The following HERC1 variants were observed in gnomAD, a reference collection of about 807,000 sequenced individuals.
HERC1 encodes the protein HECT and RLD domain containing E3 ubiquitin protein ligase family member 1.
HERC1 carries 160 observed loss-of-function variants against 554.3 expected under a neutral mutation model. That is an observed-to-expected ratio of 0.29 (90% CI 0.25 to 0.33). The LOEUF (loss-of-function observed/expected upper bound fraction) is 0.33, where lower values mean the gene tolerates loss of function less well. Ranked by LOEUF, HERC1 falls within the 10% of genes least tolerant of loss-of-function variation. HERC1 has a pLI of 1.00. For missense variants in HERC1, 4,919 were observed against 5,918.5 expected (o/e 0.83, Z 5.54); for synonymous variants, 2,175 against 2,131.7 (o/e 1.02, Z -0.56).
chr15:63,780,741 A>G (rs1375422962), intron 1 of HERC1, among the ~76,000 whole-genome samples: 2 of 152,150 alleles, frequency 1.3e-5, no homozygotes, highest in East Asian at 1.9e-4. Flanking sequence ...AAGGTAAAAC[A>G]GAGACTAAAG....
intron 34 of HERC1, among the ~76,000 whole-genome samples, chr15:63,685,613 G>A (rs192185199): frequency 1.3e-5 from 2 of 152,320 alleles, no homozygotes; most frequent in East Asian, 3.9e-4. Flanking sequence ...AACTGGCTAA[G>A]TCTAGGACCC....
At position 63,712,888 on chromosome 15, in the gene HERC1, T is replaced by G; in HGVS notation, c.4471A>C (p.Ser1491Arg). ...ACTAGCCGGCTCTCTGCAGTAAGAC[T>G]TTCACTCCTGTCTCACATGTACAAA... The part of the protein sequence containing the change: ...EGGGLMTRSE[S>R]LTAESRLVHT... The change falls in exon 24 of 78, where the codon AGT becomes CGT. Residue 1491 changes from serine (S) to arginine (R), a missense_variant. Transcript: ENST00000443617. The G allele has an allele frequency of 6.2e-7, 1 of 1,612,934 alleles. No homozygotes were observed. Among genetic ancestry groups the G allele is most frequent in the African/African-American group, 1.3e-5 (1 of 74,988 alleles).
At chr15:63,781,560 G>A (rs1363843470) in intron 1 of HERC1, among the ~76,000 whole-genome samples, 1 of 152,166 alleles carries the variant, frequency 6.6e-6, no homozygotes, top group African/African-American at 2.4e-5. Context: ...TGTTTTGACT[G>A]CTCTACCAAC....
intron 68 of HERC1, among the ~76,000 whole-genome samples, chr15:63,630,861 A>T (rs1566954684): frequency 6.6e-6 from 1 of 152,230 alleles, no homozygotes; most frequent in Non-Finnish European, 1.5e-5. Context: ...ATTCATAAAA[A>T]TTTTTTAAAA....
Position 63,686,478 on chromosome 15 carries a change from C to G in HERC1, c.6106G>C (p.Asp2036His). The G allele has an allele frequency of 6.2e-7, 1 of 1,613,888 alleles. No homozygotes were observed. Among genetic ancestry groups the G allele is most frequent in the Non-Finnish European group, 8.5e-7 (1 of 1,179,834 alleles). Residue 2036 changes from aspartate to histidine, a missense_variant, in exon 34 of 78, where the codon GAC becomes CAC. Physicochemically the swap from Asp to His is moderately conservative, Grantham distance 81. This residue lies in a region of HERC1 where 1,121 missense variants were observed against 1,244.0 expected (regional missense o/e 0.90). Coordinates refer to ENST00000443617, the MANE Select transcript of HERC1 (RefSeq NM_003922.4). ...ENLPIQEVSFDPEKAQCCLVE... is the reference protein window; with the variant it reads ...ENLPIQEVSFHPEKAQCCLVE... ...AGGCAACACTGAGCTTTCTCCGGGT[C>G]AAAGGATACTTCTTGGATAGGAAGA...
chr15:63,663,920 TTC>T (rs1489534369), intron 43 of HERC1, among the ~76,000 whole-genome samples: 2 of 152,264 alleles, frequency 1.3e-5, no homozygotes, highest in Non-Finnish European at 2.9e-5. Context: ...AGTGATCAAA[TTC>T]TGTTTTGACA....
chr15:63,730,026 CAAAA>C (rs57121923), intron 14 of HERC1, among the ~76,000 whole-genome samples: 5 of 71,472 alleles, frequency 7.0e-5, no homozygotes, highest in Admixed American at 1.7e-4. Flanking sequence ...AACTATGTCT[CAAAA>C]AAAAAAAAAA....
In HERC1 at chr15:63,756,956, T is replaced by C. The variant is rs2075436446; in HGVS notation, c.1222-208A>G. 1.3e-5 allele frequency among the ~76,000 whole-genome samples: 2 copies of C among 152,194 alleles called. No individual in the cohort carries two copies. The highest frequency in any genetic ancestry group is 6.5e-5 in the Admixed American group (1 of 15,278). On this transcript the variant is annotated intron_variant, in intron 4 of 77. Coordinates refer to ENST00000443617, the MANE Select transcript of HERC1 (RefSeq NM_003922.4). The surrounding 1 kb of genome is among the most constrained non-coding windows in gnomAD (Gnocchi z 5.0). ...TTTGTTGCTGAGTTCAAATTCTTCATGTATATGTTATCTTTCCAGGTTATT... is the reference window on the plus strand; with the variant it reads ...TTTGTTGCTGAGTTCAAATTCTTCACGTATATGTTATCTTTCCAGGTTATT...
At chr15:63,822,119 G>C (rs935076702) in intron 1 of HERC1, among the ~76,000 whole-genome samples, 4 of 152,124 alleles carry the variant, frequency 2.6e-5, no homozygotes, top group African/African-American at 9.7e-5. Flanking sequence ...CTTGAGGAAA[G>C]GGACGAACAA....
chr15:63,609,142 A>G lies in HERC1; in HGVS notation c.14525T>C (p.Met4842Thr), dbSNP rs376844151. ...GTTTCTCGAGAGCATGTAGTTGTCCATGTCGATTGAGCGGCAGTTGTTGAT... is the reference window on the plus strand; with the variant it reads ...GTTTCTCGAGAGCATGTAGTTGTCCGTGTCGATTGAGCGGCAGTTGTTGAT... ...YAINNCRSID[M>T]DNYMLSRNVD... Residue 4842 changes from methionine to threonine, a missense_variant, in exon 78 of 78, where the codon ATG becomes ACG. Around this residue, in one of 11 missense-constraint regions of HERC1, gnomAD observed 71 missense variants for 101.4 expected, o/e 0.70. Transcript: ENST00000443617. 9.9e-6 allele frequency: 16 copies of G among 1,613,972 alleles called. No homozygotes were observed. Among genetic ancestry groups the G allele is most frequent in the Non-Finnish European group, 1.3e-5 (15 of 1,179,878 alleles).
chr15:63,833,041 C>T (rs1403214102), intron 1 of HERC1, among the ~76,000 whole-genome samples: 3 of 152,178 alleles, frequency 2.0e-5, no homozygotes, highest in Admixed American at 2.0e-4. Flanking sequence ...TTTTACATAA[C>T]CTCCTGGGAG....
chr15:63,639,889 G>T (rs994936361), intron 61 of HERC1, among the ~76,000 whole-genome samples: 8 of 152,180 alleles, frequency 5.3e-5, no homozygotes, highest in African/African-American at 1.9e-4. Flanking sequence ...ATGGACAAAA[G>T]AAAATGAGAA....
chr15:63,690,419 A>G (rs763590921), intron 32 of HERC1, 122 bp downstream of exon 32: 11 of 632,410 alleles, frequency 1.7e-5, no homozygotes, highest in Non-Finnish European at 2.4e-5. Flanking sequence ...CAGTCCTAAA[A>G]GTAAACGTTA....
chr15:63,826,784 TAAAAAAAA>T (rs71456333), intron 1 of HERC1, among the ~76,000 whole-genome samples: 28 of 37,066 alleles, frequency 7.6e-4, no homozygotes, highest in South Asian at 6.9e-3. Context: ...TTATCTCTGG[TAAAAAAAA>T]AAAAAAAAAA....
chr15:63,712,055 T>C (rs938317992), intron 24 of HERC1, among the ~76,000 whole-genome samples: 1 of 152,248 alleles, frequency 6.6e-6, no homozygotes, highest in Admixed American at 6.5e-5. Context: ...TAGCATCTTA[T>C]TTATCTTTAC....
intron 36 of HERC1, among the ~76,000 whole-genome samples, chr15:63,678,831 A>C (rs2071332597): frequency 6.6e-6 from 1 of 152,320 alleles, no homozygotes; most frequent in East Asian, 1.9e-4. Context: ...AGAGGAGCAA[A>C]ACTTGGGTTC....
chr15:63,671,550 G>GT (rs2070924985), intron 39 of HERC1, among the ~76,000 whole-genome samples: 1 of 152,190 alleles, frequency 6.6e-6, no homozygotes, highest in African/African-American at 2.4e-5. Flanking sequence ...GACCACAGCA[G>GT]TAATTCTCAA....
At chr15:63,613,913 T>C (rs2067706843) in intron 76 of HERC1, among the ~76,000 whole-genome samples, 1 of 152,112 alleles carries the variant, frequency 6.6e-6, no homozygotes, top group Non-Finnish European at 1.5e-5. Context: ...ATAGTAAAGG[T>C]CAATACCCCA....
chr15:63,706,849 T>C lies in HERC1; in HGVS notation c.4585-18A>G, dbSNP rs376602356. 6.6e-5 allele frequency: 97 copies of C among 1,477,700 alleles called. No homozygotes were observed. The highest frequency in any genetic ancestry group is 8.4e-5 in the Non-Finnish European group (91 of 1,088,550). 91.5% of individuals were successfully genotyped at this position (1,477,700 alleles called of 1,614,324 possible). On this transcript the variant is annotated intron_variant, in intron 24 of 77. Transcript: ENST00000443617. ...CTGCCACTCTATTAAAAGTAAAAAG[T>C]AAATAAATAAAATTTAGTTGTGAAA...
Sources: gnomAD v4.1 joint callset for allele counts (sites outside exome capture counted in the v4.1 genomes callset) on GRCh38, gnomAD v4.1.1 for gene constraint, gnomAD v4.1.1 regional missense constraint, Gnocchi (gnomAD v3.1) non-coding constraint, MANE v1.5 for transcripts, NCBI Gene and HGNC (gene_info 2026-07-23, HGNC 2026-07-21) for gene names.